The following FAM83H variants were observed in gnomAD, a reference collection of about 807,000 sequenced individuals.
FAM83H encodes the protein protein FAM83H.
FAM83H carries 24 observed loss-of-function variants against 30.2 expected under a neutral mutation model. The ratio of observed to expected loss-of-function variants is 0.79; its 90% confidence interval spans 0.57 to 1.12. The LOEUF is 1.12. Ranked by LOEUF, FAM83H falls within the 50% of genes most tolerant of loss-of-function variation. FAM83H has a pLI of 0.00. For synonymous variants in FAM83H, 1,013 were observed against 821.7 expected (o/e 1.23, Z -3.98); for missense variants, 2,038 against 1,773.9 (o/e 1.15, Z -2.67).
intron 1 of FAM83H, among the ~76,000 whole-genome samples, chr8:143,730,922 C>G (rs1818494194): frequency 6.6e-6 from 1 of 152,090 alleles, no homozygotes; most frequent in Admixed American, 6.5e-5. Flanking sequence ...AGCAAGACCC[C>G]ATCTCTACAA....
chr8:143,730,262 A>C lies in FAM83H; in HGVS notation c.321T>G (p.Leu107=), dbSNP rs1818467422. 3 of 1,613,468 alleles carry C rather than the reference A, an allele frequency of 1.9e-6. No individual in the cohort carries two copies. In the East Asian group the frequency reaches 6.7e-5, roughly 36 times the overall value. The change falls in exon 2 of 5, where the codon CTT becomes CTG. Residue 107 remains leucine (L), a synonymous_variant. Transcript: ENST00000388913. ...CGAAGGTCAGAGGCCAGCCCAAATC[A>C]AGCTCAGGCACGGCCTGGTCTGAGT... The part of the protein sequence containing the change: ...PVNSDQAVPE[L]DLGWPLTFGF...
At position 143,728,499 on chromosome 8, in the gene FAM83H, G is replaced by C; in HGVS notation, c.962C>G (p.Ser321Cys). 1 of 1,556,452 alleles carries C rather than the reference G, an allele frequency of 6.4e-7. No individual in the cohort carries two copies. Among genetic ancestry groups the C allele is most frequent in the South Asian group, 1.2e-5 (1 of 84,922 alleles). Residue 321 changes from serine (S) to cysteine (C), a missense_variant, in exon 5 of 5, where the codon TCC (serine) becomes TGC (cysteine). By Grantham distance (112) the Ser-to-Cys change is moderately radical. Coordinates refer to ENST00000388913, the MANE Select transcript of FAM83H (RefSeq NM_198488.5). ...VPGVGAPTPFSFPKRAHLLFP... is the reference protein window; with the variant it reads ...VPGVGAPTPFCFPKRAHLLFP... ...CAGGAGGTGCGCTCGTTTAGGGAAGGAGAAGGGGGTTGGCGCCCCGACCCC... is the reference window on the plus strand; with the variant it reads ...CAGGAGGTGCGCTCGTTTAGGGAAGCAGAAGGGGGTTGGCGCCCCGACCCC...
chr8:143,730,496 G>A lies in FAM83H; in HGVS notation c.87C>T (p.Arg29=). The A allele has an allele frequency of 1.2e-6, 2 of 1,605,020 alleles. No individual in the cohort carries two copies. Among genetic ancestry groups the A allele is most frequent in the Non-Finnish European group, 1.7e-6 (2 of 1,175,330 alleles). ...YLPPHYKEYY[R]LAVDALAEGG... ...CCTCGGCCAGTGCATCCACCGCCAG[G>A]CGGTAGTACTCTTTGTAGTGAGGCG... Residue 29 remains arginine (R), a synonymous_variant, in exon 2 of 5, where the codon CGC becomes CGT. Transcript: ENST00000388913.
chr8:143,730,367 C>T lies in FAM83H; in HGVS notation c.216G>A (p.Gln72=). The T allele has an allele frequency of 1.2e-6, 2 of 1,613,654 alleles. No individual in the cohort carries two copies. Among genetic ancestry groups the T allele is most frequent in the Non-Finnish European group, 1.7e-6 (2 of 1,180,048 alleles). ...CTTCAGGTGGCTCTCGGGTAACATACTGCGGAGGCCGAAGGTGTCGGCTCA... is the reference window on the plus strand; with the variant it reads ...CTTCAGGTGGCTCTCGGGTAACATATTGCGGAGGCCGAAGGTGTCGGCTCA... ...EHVSRHLRPP[Q]YVTREPPEGS... The change falls in exon 2 of 5, where the codon CAG becomes CAA. Residue 72 remains glutamine (Q), a synonymous_variant. Transcript: ENST00000388913.
rs1218847737 is a variant in FAM83H at position 143,730,051 on chromosome 8, G to A, written c.447+85C>T. ...GCTGGAGCTCAGGCTCACCCCTCAA[G>A]CTGATCATGCTCATGCATCTCCTCC... On this transcript the variant is annotated intron_variant, in intron 2 of 4. Coordinates refer to ENST00000388913, the MANE Select transcript of FAM83H (RefSeq NM_198488.5). The A allele has an allele frequency of 4.0e-6, 5 of 1,250,516 alleles. No individual in the cohort carries two copies. The Admixed American group carries it at 1.1e-4, about 29-fold the overall frequency. 77.5% of individuals were successfully genotyped at this position (1,250,516 alleles called of 1,614,324 possible).
At chr8:143,732,078 A>G in intron 1 of FAM83H, 2 of 985,384 alleles carry the variant, frequency 2.0e-6, no homozygotes, top group Non-Finnish European at 2.4e-6. Flanking sequence ...GGGCGCTGAC[A>G]GGATGGATGC....
Position 143,726,012 on chromosome 8 carries a change from G to A in FAM83H, c.3449C>T (p.Ala1150Val). Residue 1150 changes from alanine (A) to valine (V), a missense_variant, in exon 5 of 5, where the codon GCA (alanine) becomes GTA (valine). Physicochemically the swap from Ala to Val is moderately conservative, Grantham distance 64. Coordinates refer to ENST00000388913, the MANE Select transcript of FAM83H (RefSeq NM_198488.5). ...CKKEEASSPG[A>V]GEGPAEEGTR... ...GCCCTCCTCCGCGGGGCCTTCCCCT[G>A]CCCCAGGGCTGCTGGCCTCCTCTTT... The A allele has an allele frequency of 1.2e-6, 2 of 1,612,940 alleles. No individual in the cohort carries two copies. Among genetic ancestry groups the A allele is most frequent in the South Asian group, 1.1e-5 (1 of 91,064 alleles).
rs1554623041 is a variant in FAM83H at position 143,727,989 on chromosome 8, A to G, written c.1472T>C (p.Leu491Pro). ...AGFADPDDFTLGAGPRFPELG... is the reference protein window; with the variant it reads ...AGFADPDDFTPGAGPRFPELG... ...CTCCGGGAAGCGGGGCCCGGCGCCCAGGGTGAAGTCATCCGGGTCCGCGAA... is the reference window on the plus strand; with the variant it reads ...CTCCGGGAAGCGGGGCCCGGCGCCCGGGGTGAAGTCATCCGGGTCCGCGAA... Residue 491 changes from leucine to proline, a missense_variant, in exon 5 of 5, where the codon CTG (leucine) becomes CCG (proline). Transcript: ENST00000388913. 1 of 1,587,060 alleles carries G rather than the reference A, an allele frequency of 6.3e-7. No individual in the cohort carries two copies. Among genetic ancestry groups the G allele is most frequent in the East Asian group, 2.3e-5 (1 of 44,234 alleles).
At position 143,725,703 on chromosome 8, in the gene FAM83H, G is replaced by T. The variant is rs1308272649; in HGVS notation, c.*218C>A. 2 of 695,926 alleles carry T rather than the reference G, an allele frequency of 2.9e-6. No homozygotes were observed. The highest frequency in any genetic ancestry group is 1.8e-5 in the African/African-American group (1 of 55,626). 43.1% of individuals were successfully genotyped at this position (695,926 alleles called of 1,614,324 possible). A position where few individuals can be genotyped will look rare whatever the true frequency, so the allele number is the denominator to read the frequency against. On this transcript the variant is annotated 3_prime_UTR_variant, in exon 5 of 5. Coordinates refer to ENST00000388913, the MANE Select transcript of FAM83H (RefSeq NM_198488.5). ...GGGAGAAAGGCACTGGTGGCGAGGG[G>T]TGCAGCCCCAGCGTTGGGGAGGCCA...
Position 143,727,085 on chromosome 8 carries a change from G to A in FAM83H, c.2376C>T (p.Asp792=), listed in dbSNP as rs1554622300. ...ERRSLESCLL[D]LRDSFAQQLH... ...GCTGCTGTGCAAAGGAGTCGCGCAGGTCCAGCAGGCAGCTCTCGAGGCTGC... is the reference window on the plus strand; with the variant it reads ...GCTGCTGTGCAAAGGAGTCGCGCAGATCCAGCAGGCAGCTCTCGAGGCTGC... Residue 792 remains aspartate, a synonymous_variant, in exon 5 of 5, where the codon GAC becomes GAT. Coordinates refer to ENST00000388913, the MANE Select transcript of FAM83H (RefSeq NM_198488.5). 3 of 1,544,048 alleles carry A rather than the reference G, an allele frequency of 1.9e-6. No individual in the cohort carries two copies. The highest frequency in any genetic ancestry group is 1.9e-5 in the Admixed American group (1 of 51,996).
At position 143,726,432 on chromosome 8, in the gene FAM83H, G is replaced by C. The variant is rs1554621776; in HGVS notation, c.3029C>G (p.Thr1010Arg). The part of the protein sequence containing the change: ...RRLSLGQGDS[T>R]EAATEERGPR... ...ACCCCGCTCTTCTGTGGCAGCCTCC[G>C]TGCTGTCACCCTGGCCCAGTGACAG... The change falls in exon 5 of 5, where the codon ACG becomes AGG. Residue 1010 changes from threonine to arginine, a missense_variant. Transcript: ENST00000388913. The C allele has an allele frequency of 6.2e-7, 1 of 1,602,832 alleles. No individual in the cohort carries two copies. Among genetic ancestry groups the C allele is most frequent in the Non-Finnish European group, 8.5e-7 (1 of 1,177,264 alleles).
In FAM83H at chr8:143,725,700, G is replaced by A. The variant is rs1256428278; in HGVS notation, c.*221C>T. On this transcript the variant is annotated 3_prime_UTR_variant, in exon 5 of 5. Coordinates refer to ENST00000388913, the MANE Select transcript of FAM83H (RefSeq NM_198488.5). Reference sequence around the variant, plus strand: ...GAGGGGAGAAAGGCACTGGTGGCGAGGGGTGCAGCCCCAGCGTTGGGGAGG... The same window carrying A: ...GAGGGGAGAAAGGCACTGGTGGCGAAGGGTGCAGCCCCAGCGTTGGGGAGG... The A allele has an allele frequency of 1.5e-6, 1 of 677,352 alleles. No homozygotes were observed. The highest frequency in any genetic ancestry group is 2.5e-6 in the Non-Finnish European group (1 of 407,466). 42.0% of individuals were successfully genotyped at this position (677,352 alleles called of 1,614,324 possible). A position where few individuals can be genotyped will look rare whatever the true frequency, so the allele number is the denominator to read the frequency against.
rs1351529533 is a variant in FAM83H at position 143,727,214 on chromosome 8, G to A, written c.2247C>T (p.Gly749=). 1 of 1,533,534 alleles carries A rather than the reference G, an allele frequency of 6.5e-7. No individual in the cohort carries two copies. Among genetic ancestry groups the A allele is most frequent in the Non-Finnish European group, 8.7e-7 (1 of 1,145,466 alleles). The allele number at this position is 1,533,534 out of a possible 1,614,324, so 95.0% of individuals were successfully genotyped here. A position where few individuals can be genotyped will look rare whatever the true frequency, so the allele number is the denominator to read the frequency against. Residue 749 remains glycine, a synonymous_variant, in exon 5 of 5, where the codon GGC becomes GGT. Coordinates refer to ENST00000388913, the MANE Select transcript of FAM83H (RefSeq NM_198488.5). The stretch of plus-strand genomic sequence containing the variant: ...CAACGGTGATGGCGCCCGCGCCGCC[G>A]CCGGGATCACGGGCTGGGCCCTTGT... ...EKYKGPARDP[G]GGAGAITVAS... is the part of the protein sequence containing the mutation.
At chr8:143,730,816 G>A (rs546986491) in intron 1 of FAM83H, among the ~76,000 whole-genome samples, 1 of 152,276 alleles carries the variant, frequency 6.6e-6, no homozygotes, top group Non-Finnish European at 1.5e-5. Context: ...CAGAGGGCTG[G>A]GGCACAGGTA....
chr8:143,727,399 A>G lies in FAM83H; in HGVS notation c.2062T>C (p.Phe688Leu), dbSNP rs781856405. ...GCGCCCTCGGCCTGTGACGTGCTGAAGATGAGCGAGGAGCGCAGCCTGGAG... is the reference window on the plus strand; with the variant it reads ...GCGCCCTCGGCCTGTGACGTGCTGAGGATGAGCGAGGAGCGCAGCCTGGAG... ...RSSRLRSSLI[F>L]STSQAEGAAG... is the part of the protein sequence containing the mutation. The change falls in exon 5 of 5, where the codon TTC becomes CTC. Residue 688 changes from phenylalanine to leucine, a missense_variant. Phe to Leu is a conservative substitution (Grantham distance 22, BLOSUM62 0). Transcript: ENST00000388913. 1 of 1,573,030 alleles carries G rather than the reference A, an allele frequency of 6.4e-7. No homozygotes were observed. Among genetic ancestry groups the G allele is most frequent in the South Asian group, 1.1e-5 (1 of 88,020 alleles).
intron 4 of FAM83H, 109 bp downstream of exon 4, chr8:143,728,858 G>A: frequency 1.3e-6 from 2 of 1,599,336 alleles, no homozygotes; most frequent in Non-Finnish European, 1.7e-6. Flanking sequence ...CTGTGCAGGG[G>A]TCTACAGGAC....
chr8:143,728,265 G>A lies in FAM83H; in HGVS notation c.1196C>T (p.Ala399Val), dbSNP rs1554623243. The A allele has an allele frequency of 9.1e-6, 14 of 1,544,726 alleles. No individual in the cohort carries two copies. In the African/African-American group the frequency reaches 1.1e-4, roughly 12 times the overall value. ...ELAGARGFFQ[A>V]RHLEMDAFKR... ...GAAGGCGTCCATCTCCAGGTGCCGC[G>A]CCTGGAAGAAGCCCCGCGCGCCCGC... The change falls in exon 5 of 5, where the codon GCG becomes GTG. Residue 399 changes from alanine (A) to valine (V), a missense_variant. By Grantham distance (64) the Ala-to-Val change is moderately conservative. Transcript: ENST00000388913.
rs781966824 is a variant in FAM83H, at chr8:143,726,039, T to C, written c.3422A>G (p.Lys1141Arg). Residue 1141 changes from lysine (K) to arginine (R), a missense_variant, in exon 5 of 5, where the codon AAG (lysine) becomes AGG (arginine). By Grantham distance (26) the Lys-to-Arg change is conservative. Coordinates refer to ENST00000388913, the MANE Select transcript of FAM83H (RefSeq NM_198488.5). Reference protein sequence around the residue: ...RVYSRFEVFCKKEEASSPGAG... With the variant: ...RVYSRFEVFCRKEEASSPGAG... ...CCCAGGGCTGCTGGCCTCCTCTTTC[T>C]TGCAGAAGACCTCGAAGCGGCTGTA... is the stretch of plus-strand genomic sequence containing the variant. 1 of 1,612,728 alleles carries C rather than the reference T, an allele frequency of 6.2e-7. No individual in the cohort carries two copies. Among genetic ancestry groups the C allele is most frequent in the Non-Finnish European group, 8.5e-7 (1 of 1,179,854 alleles).
In FAM83H at chr8:143,733,740, C is replaced by T. The variant is rs557771030; in HGVS notation, c.-65G>A. Reference sequence around the variant, plus strand: ...CACAGGGGCAGCAGGAGCCGACCGCCGCCCAGCGGCCTCGCGGTCCGGTCG... The same window carrying T: ...CACAGGGGCAGCAGGAGCCGACCGCTGCCCAGCGGCCTCGCGGTCCGGTCG... On this transcript the variant is annotated 5_prime_UTR_variant, in exon 1 of 5. Coordinates refer to ENST00000388913, the MANE Select transcript of FAM83H (RefSeq NM_198488.5). The surrounding 1 kb of genome is among the most constrained non-coding windows in gnomAD (Gnocchi z 5.6). 1 of 149,690 alleles carries T rather than the reference C, an allele frequency of 6.7e-6. No individual in the cohort carries two copies. Among genetic ancestry groups the T allele is most frequent in the Non-Finnish European group, 1.5e-5 (1 of 66,910 alleles). 9.3% of individuals were successfully genotyped at this position (149,690 alleles called of 1,614,324 possible).
Sources: gnomAD v4.1 joint callset for allele counts (sites outside exome capture counted in the v4.1 genomes callset) on GRCh38, gnomAD v4.1.1 for gene constraint, Gnocchi (gnomAD v3.1) non-coding constraint, MANE v1.5 for transcripts, NCBI Gene and HGNC (gene_info 2026-07-23, HGNC 2026-07-21) for gene names.